The following LIPE variants were observed in gnomAD, a reference collection of about 807,000 sequenced individuals.
The protein encoded by LIPE is hormone-sensitive lipase.
In LIPE, 66 loss-of-function variants were observed where a neutral mutation model predicts 88.5. The observed-to-expected ratio is 0.75, with a 90% CI of 0.61 to 0.91. The LOEUF (loss-of-function observed/expected upper bound fraction) is 0.91. Ranked by LOEUF, LIPE falls within the 40% of genes least tolerant of loss-of-function variation. The pLI is 0.00. For missense variants in LIPE, 1,346 were observed against 1,434.7 expected, an observed-to-expected ratio of 0.94 and a Z score of 1.00; for synonymous variants, 570 against 617.5, an observed-to-expected ratio of 0.92 and a Z score of 1.14.
intron 9 of LIPE, 70 bp downstream of exon 9, chr19:42,402,537 C>G: frequency 1.5e-6 from 2 of 1,358,294 alleles, no homozygotes; most frequent in Non-Finnish European, 1.9e-6. Flanking sequence ...TACCCGTGCC[C>G]GGTCCCCCTC....
chr19:42,423,573 G>A lies in LIPE; in HGVS notation c.883+2694C>T, dbSNP rs1371618202. The A allele has an allele frequency of 6.5e-6, 8 of 1,221,384 alleles. No individual in the cohort carries two copies. In the Admixed American group the frequency reaches 2.2e-4, roughly 33 times the overall value. 75.7% of individuals were successfully genotyped at this position (1,221,384 alleles called of 1,614,324 possible). On this transcript the variant is annotated intron_variant, in intron 1 of 9. Coordinates refer to ENST00000244289, the MANE Select transcript of LIPE (RefSeq NM_005357.4). The stretch of plus-strand genomic sequence containing the variant: ...GGTCCTCCCGCGGGGGCCAATTCCA[G>A]CCGCGAGGCCCTGCCCGGAGGGCCA...
At chr19:42,421,439 T>A (rs2040596405) in intron 1 of LIPE, among the ~76,000 whole-genome samples, 1 of 152,200 alleles carries the variant, frequency 6.6e-6, no homozygotes, top group African/African-American at 2.4e-5. Context: ...TTCTCTGTTG[T>A]ATTTATCACA....
chr19:42,415,088 T>C (rs998838715), intron 1 of LIPE, among the ~76,000 whole-genome samples: 2 of 152,026 alleles, frequency 1.3e-5, no homozygotes, highest in Middle Eastern at 3.4e-3. Flanking sequence ...AAAAATTAGC[T>C]GGGCATGGTG....
chr19:42,426,863 T>C lies in LIPE; in HGVS notation c.287A>G (p.Gln96Arg), dbSNP rs774042853. Reference sequence around the variant, plus strand: ...CACCCTTTGGATGTAAGGTGATTGCTGTGGTGCGGGCTTCTGTGGGGCAAG... The same window carrying C: ...CACCCTTTGGATGTAAGGTGATTGCCGTGGTGCGGGCTTCTGTGGGGCAAG... ...EFLAPQKPAP[Q>R]QSPYIQRVLL... The change falls in exon 1 of 10, where the codon CAG becomes CGG. Residue 96 changes from glutamine to arginine, a missense_variant. By Grantham distance (43) the Gln-to-Arg change is conservative (BLOSUM62 1). Coordinates refer to ENST00000244289, the MANE Select transcript of LIPE (RefSeq NM_005357.4). 7 of 1,614,034 alleles carry C rather than the reference T, an allele frequency of 4.3e-6. No individual in the cohort carries two copies. The East Asian group carries it at 1.3e-4, about 31-fold the overall frequency.
At chr19:42,417,193 TACAGGCG>T (rs2040505516) in intron 1 of LIPE, among the ~76,000 whole-genome samples, 3 of 152,244 alleles carry the variant, frequency 2.0e-5, no homozygotes, top group Non-Finnish European at 4.4e-5. Context: ...ATGCTGGGAT[TACAGGCG>T]TGAGCCACTG....
At position 42,407,645 on chromosome 19, in the gene LIPE, G is replaced by T; in HGVS notation, c.1803C>A (p.Val601=). ...PPLAHTGPGP[V]LVRLISYDLR... is the part of the protein sequence containing the mutation. ...GGTCATAGGAGATGAGCCTGACGAGGACGGGCCCAGGGCCTGTGTGGGCCA... is the reference window on the plus strand; with the variant it reads ...GGTCATAGGAGATGAGCCTGACGAGTACGGGCCCAGGGCCTGTGTGGGCCA... The change falls in exon 5 of 10, where the codon GTC becomes GTA. Residue 601 remains valine, a synonymous_variant. Transcript: ENST00000244289. The surrounding 1 kb of genome is among the most constrained non-coding windows in gnomAD (Gnocchi z 5.8). 2.5e-6 allele frequency: 4 copies of T among 1,611,294 alleles called. No homozygotes were observed. The highest frequency in any genetic ancestry group is 2.5e-6 in the Non-Finnish European group (3 of 1,178,536).
In LIPE at chr19:42,414,883, C is replaced by T. The variant is rs771480382; in HGVS notation, c.884-4041G>A. 2.6e-5 allele frequency among the ~76,000 whole-genome samples: 4 copies of T among 152,212 alleles called. No homozygotes were observed. The highest frequency in any genetic ancestry group is 5.9e-5 in the Non-Finnish European group (4 of 68,050). On this transcript the variant is annotated intron_variant, in intron 1 of 9. Transcript: ENST00000244289. This position sits in a 1 kb window ranked among gnomAD's most constrained non-coding sequence, Gnocchi z 4.6. ...AATGCTGTGTGTGTTCTGACTGCTC[C>T]ACTGACCAGCCATTTCCCCCATCTC... is the stretch of plus-strand genomic sequence containing the variant.
At position 42,407,645 on chromosome 19, in the gene LIPE, G is replaced by A; in HGVS notation, c.1803C>T (p.Val601=). 1 of 1,611,294 alleles carries A rather than the reference G, an allele frequency of 6.2e-7. No individual in the cohort carries two copies. The highest frequency in any genetic ancestry group is 8.5e-7 in the Non-Finnish European group (1 of 1,178,536). Residue 601 remains valine (V), a synonymous_variant, in exon 5 of 10, where the codon GTC becomes GTT. Coordinates refer to ENST00000244289, the MANE Select transcript of LIPE (RefSeq NM_005357.4). The surrounding 1 kb of genome is among the most constrained non-coding windows in gnomAD (Gnocchi z 5.8). ...PPLAHTGPGP[V]LVRLISYDLR... is the part of the protein sequence containing the mutation. ...GGTCATAGGAGATGAGCCTGACGAG[G>A]ACGGGCCCAGGGCCTGTGTGGGCCA...
chr19:42,424,718 G>T, intron 1 of LIPE: 2 of 429,342 alleles, frequency 4.7e-6, no homozygotes, highest in Non-Finnish European at 9.4e-6. Context: ...TTAGGGCTGC[G>T]TTGGTTTTTC....
In LIPE at chr19:42,406,388, C is replaced by T; in HGVS notation, c.2138G>A (p.Gly713Asp). 6.2e-7 allele frequency: 1 copy of T among 1,611,858 alleles called. No individual in the cohort carries two copies. The highest frequency in any genetic ancestry group is 8.5e-7 in the Non-Finnish European group (1 of 1,178,092). Residue 713 changes from glycine to aspartate, a missense_variant and splice_region_variant, in exon 7 of 10, where the codon GGC becomes GAC. Transcript: ENST00000244289. This position sits in a 1 kb window ranked among gnomAD's most constrained non-coding sequence, Gnocchi z 5.7. ...AAGGCAGATTCGTTCCCCTGTTGAG[C>T]CTGGTTTGGGAGAGGGGTGGTTGGT... Reference protein sequence around the residue: ...CWAIKHCALLGSTGERICLAG... With the variant: ...CWAIKHCALLDSTGERICLAG...
At chr19:42,415,450 T>C (rs1393520476) in intron 1 of LIPE, among the ~76,000 whole-genome samples, 1 of 152,090 alleles carries the variant, frequency 6.6e-6, no homozygotes, top group East Asian at 1.9e-4. Context: ...AAGTTGTGAA[T>C]GCAAAGGAAA....
At chr19:42,423,701 G>A in intron 1 of LIPE, 2 of 1,138,232 alleles carry the variant, frequency 1.8e-6, no homozygotes, top group Non-Finnish European at 2.2e-6. Context: ...CTCCGCTGCC[G>A]TGCTCCGCCC....
At chr19:42,409,400 C>CAAAAAAAAAAAAAAAAA (rs760628566) in intron 2 of LIPE, among the ~76,000 whole-genome samples, 2 of 72,872 alleles carry the variant, frequency 2.7e-5, no homozygotes, top group Admixed American at 1.3e-4. Flanking sequence ...AAACAAAATA[C>CAAAAAAAAAAAAAAAAA]AAAAAAAAAA....
chr19:42,421,412 AT>A, intron 1 of LIPE, among the ~76,000 whole-genome samples: 1 of 152,060 alleles, frequency 6.6e-6, no homozygotes, highest in Non-Finnish European at 1.5e-5. Context: ...TCTCAATTCT[AT>A]CTTCCCAGGG....
At position 42,407,507 on chromosome 19, in the gene LIPE, G is replaced by C. The variant is rs1267218338; in HGVS notation, c.1843-39C>G. 1 of 1,591,728 alleles carries C rather than the reference G, an allele frequency of 6.3e-7. No homozygotes were observed. Among genetic ancestry groups the C allele is most frequent in the Non-Finnish European group, 8.6e-7 (1 of 1,165,960 alleles). On this transcript the variant is annotated intron_variant, in intron 5 of 9. Transcript: ENST00000244289. This position sits in a 1 kb window ranked among gnomAD's most constrained non-coding sequence, Gnocchi z 5.8. ...GGGAGACGGTGTGTGAGGTTGGGGAGAGCTGGCCAGGGCTGCACCCCTCCA... is the reference window on the plus strand; with the variant it reads ...GGGAGACGGTGTGTGAGGTTGGGGACAGCTGGCCAGGGCTGCACCCCTCCA...
Position 42,408,421 on chromosome 19 carries a change from A to C in LIPE, c.1420-99T>G. On this transcript the variant is annotated intron_variant, in intron 2 of 9. Coordinates refer to ENST00000244289, the MANE Select transcript of LIPE (RefSeq NM_005357.4). The surrounding 1 kb of genome is among the most constrained non-coding windows in gnomAD (Gnocchi z 4.3). ...ATGTGCGGGGAAGACACATTCATTC[A>C]GTAAACGTTTCATGAGCTCCTACTG... The C allele has an allele frequency of 2.1e-6, 2 of 968,354 alleles. No homozygotes were observed. Among genetic ancestry groups the C allele is most frequent in the Non-Finnish European group, 3.3e-6 (2 of 605,338 alleles). 60.0% of individuals were successfully genotyped at this position (968,354 alleles called of 1,614,324 possible). A position where few individuals can be genotyped will look rare whatever the true frequency, so the allele number is the denominator to read the frequency against.
In LIPE at chr19:42,423,315, A is replaced by AC. The variant is rs567177905; in HGVS notation, c.883+2951dup. 122 of 849,056 alleles carry AC rather than the reference A, an allele frequency of 1.4e-4. 1 individual carries two copies. Among genetic ancestry groups the AC allele is most frequent in the African/African-American group, 7.8e-4 (43 of 54,934 alleles). The allele number at this position is 849,056 out of a possible 1,614,324, so 52.6% of individuals were successfully genotyped here. On this transcript the variant is annotated intron_variant, in intron 1 of 9. Coordinates refer to ENST00000244289, the MANE Select transcript of LIPE (RefSeq NM_005357.4). ...CAAGCGGCAATGGGCCAGTCCGCGG[A>AC]CCCCCCCAACTCCCTGTGGCAGTGG...
chr19:42,420,584 A>C (rs1600143412), intron 1 of LIPE, among the ~76,000 whole-genome samples: 1 of 147,916 alleles, frequency 6.8e-6, no homozygotes, highest in African/African-American at 2.5e-5. Flanking sequence ...CCACCTCCCC[A>C]CCCCCCAACT....
Position 42,401,830 on chromosome 19 carries a change from G to GCCCCCGTCTA in LIPE, c.3203_3212dup (p.Cys1072ArgfsTer22). The GCCCCCGTCTA allele has an allele frequency of 1.2e-6, 1 of 838,114 alleles. No homozygotes were observed. Among genetic ancestry groups the GCCCCCGTCTA allele is most frequent in the Non-Finnish European group, 1.7e-6 (1 of 574,052 alleles). The allele number at this position is 838,114 out of a possible 1,614,324, so 51.9% of individuals were successfully genotyped here. On this transcript the variant is annotated frameshift_variant, in exon 10 of 10. Coordinates refer to ENST00000244289, the MANE Select transcript of LIPE (RefSeq NM_005357.4). LOFTEE classifies it high-confidence loss of function. ...CAGGCTTTTAGTGTCGCCCCCCGCA[G>GCCCCCGTCTA]CCCCCGTCTACCCCCGCAGCCCCCG...
Sources: gnomAD v4.1 joint callset for allele counts (sites outside exome capture counted in the v4.1 genomes callset) on GRCh38, gnomAD v4.1.1 for gene constraint, Gnocchi (gnomAD v3.1) non-coding constraint, MANE v1.5 for transcripts, NCBI Gene and HGNC (gene_info 2026-07-23, HGNC 2026-07-21) for gene names.